TSNARE1: variants seen among roughly 807,000 people sequenced by gnomAD.
The protein encoded by TSNARE1 is t-SNARE domain containing 1.
TSNARE1 carries 49 observed loss-of-function variants against 62.0 expected under a neutral mutation model. The observed-to-expected ratio is 0.79, with a 90% CI of 0.63 to 1.00. The LOEUF (loss-of-function observed/expected upper bound fraction) is 1.00. Ranked by LOEUF, TSNARE1 falls within the 50% of genes least tolerant of loss-of-function variation. TSNARE1 has a pLI of 0.00. For synonymous variants in TSNARE1, 328 were observed against 294.4 expected, an observed-to-expected ratio of 1.11 and a Z score of -1.17; for missense variants, 755 against 700.1, an observed-to-expected ratio of 1.08 and a Z score of -0.88.
At chr8:142,310,696 C>T (rs2131533836) in intron 9 of TSNARE1, among the ~76,000 whole-genome samples, 1 of 152,302 alleles carries the variant, frequency 6.6e-6, no homozygotes, top group East Asian at 1.9e-4. Flanking sequence ...AGTCAGGTGT[C>T]AGTCTTGTCC....
chr8:142,311,931 TA>T (rs762473771), intron 9 of TSNARE1, among the ~76,000 whole-genome samples: 5 of 152,222 alleles, frequency 3.3e-5, no homozygotes, highest in Non-Finnish European at 7.3e-5. Context: ...AAATAAAATG[TA>T]AGTTCTCTGG....
At chr8:142,390,331 T>C (rs1337743166) in intron 1 of TSNARE1, among the ~76,000 whole-genome samples, 1 of 144,932 alleles carries the variant, frequency 6.9e-6, no homozygotes, top group Non-Finnish European at 1.5e-5. Flanking sequence ...TGCGGGGGAC[T>C]CCGTAACAGA....
chr8:142,325,822 G>A (rs554437298), intron 6 of TSNARE1, among the ~76,000 whole-genome samples: 1 of 152,342 alleles, frequency 6.6e-6, no homozygotes, highest in African/African-American at 2.4e-5. Flanking sequence ...GAAGACCAGG[G>A]CCCTGGAGAG....
intron 1 of TSNARE1, among the ~76,000 whole-genome samples, chr8:142,392,812 T>C (rs1013442473): frequency 1.3e-5 from 2 of 152,048 alleles, no homozygotes; most frequent in East Asian, 3.9e-4. Flanking sequence ...TGGTGACACA[T>C]GCCTGTAATC....
At chr8:142,324,622 C>G (rs1395104290) in intron 6 of TSNARE1, among the ~76,000 whole-genome samples, 1 of 152,230 alleles carries the variant, frequency 6.6e-6, no homozygotes, top group African/African-American at 2.4e-5. Context: ...TCATTTACTC[C>G]CATGACCACC....
chr8:142,355,263 C>T (rs1563978417), intron 1 of TSNARE1, among the ~76,000 whole-genome samples: 1 of 152,200 alleles, frequency 6.6e-6, no homozygotes, highest in Admixed American at 6.5e-5. Context: ...GGGTCAGGCC[C>T]GGGGTTGGCT....
chr8:142,344,498 T>C (rs1168986062), intron 3 of TSNARE1, 26 bp from the exon 4 acceptor site: 1 of 1,491,516 alleles, frequency 6.7e-7, no homozygotes, highest in Admixed American at 2.6e-5. Context: ...AAGGCGGATG[T>C]TTAAGGCCCT....
At chr8:142,300,824 C>T (rs960001155) in intron 9 of TSNARE1, among the ~76,000 whole-genome samples, 180 bp from the exon 10 acceptor site, 16 of 152,232 alleles carry the variant, frequency 1.1e-4, no homozygotes, top group African/African-American at 7.2e-5. Context: ...GGGCATCAAT[C>T]TGGGCCTCCC....
At chr8:142,257,975 G>A (rs1445869827) in intron 12 of TSNARE1, among the ~76,000 whole-genome samples, 2 of 151,878 alleles carry the variant, frequency 1.3e-5, no homozygotes, top group Admixed American at 6.6e-5. Flanking sequence ...CACCCGTGCT[G>A]TCTCACAGAC....
Position 142,314,326 on chromosome 8 carries a change from AG to A in TSNARE1, c.1131+57del. ...CGCCCTTCCATGGAGCACAGATGGC[AG>A]CGGATTCTGGGCTGTCCCCTAACAG... On this transcript the variant is annotated intron_variant, in intron 9 of 13. Transcript: ENST00000524325. 5.3e-6 allele frequency: 8 copies of A among 1,513,700 alleles called. No individual in the cohort carries two copies. The South Asian group carries it at 9.2e-5, about 17-fold the overall frequency. 93.8% of individuals were successfully genotyped at this position (1,513,700 alleles called of 1,614,324 possible).
intron 12 of TSNARE1, among the ~76,000 whole-genome samples, chr8:142,246,939 G>A (rs188360723): frequency 3.0e-4 from 45 of 152,332 alleles, no homozygotes; most frequent in African/African-American, 9.1e-4. Context: ...ACCACAGCAC[G>A]CCCTCAGTCA....
At chr8:142,283,110 C>G (rs1174217526) in intron 11 of TSNARE1, among the ~76,000 whole-genome samples, 34 of 104,362 alleles carry the variant, frequency 3.3e-4, no homozygotes, top group Non-Finnish European at 4.9e-4. Context: ...GGGGAGGCCA[C>G]TGTCTGTCAA....
chr8:142,222,747 C>T (rs866445533), intron 13 of TSNARE1, among the ~76,000 whole-genome samples: 2 of 115,676 alleles, frequency 1.7e-5, no homozygotes, highest in African/African-American at 3.3e-5. Flanking sequence ...CACTCACTCA[C>T]TCATCCACTC....
At chr8:142,260,852 G>A (rs1464981863) in intron 12 of TSNARE1, among the ~76,000 whole-genome samples, 1 of 149,958 alleles carries the variant, frequency 6.7e-6, no homozygotes, top group Non-Finnish European at 1.5e-5. Context: ...ACAGGGCAGA[G>A]CCTCTGCAGC....
At chr8:142,349,899 A>G (rs1468933801) in intron 2 of TSNARE1, among the ~76,000 whole-genome samples, 1 of 147,320 alleles carries the variant, frequency 6.8e-6, no homozygotes, top group Non-Finnish European at 1.5e-5. Flanking sequence ...CAAGGCAGAC[A>G]GGGCAGGGAC....
At chr8:142,404,377 A>C (rs1838524098), upstream of TSNARE1, 1 of 152,342 alleles carries the variant, frequency 6.6e-6, no homozygotes, top group African/African-American at 2.4e-5. Flanking sequence ...ACCAGGTGCA[A>C]GTGCACAAGT....
intron 7 of TSNARE1, among the ~76,000 whole-genome samples, chr8:142,315,360 C>T (rs1828367489): frequency 6.6e-6 from 1 of 152,244 alleles, no homozygotes; most frequent in African/African-American, 2.4e-5. Flanking sequence ...GGCCCCACAC[C>T]ACCTCCGCGA....
chr8:142,330,098 G>A (rs1037951488), intron 6 of TSNARE1, among the ~76,000 whole-genome samples: 2 of 152,252 alleles, frequency 1.3e-5, no homozygotes, highest in Non-Finnish European at 2.9e-5. Flanking sequence ...CAGTGCAGTG[G>A]CCTGGGGCTG....
intron 1 of TSNARE1, among the ~76,000 whole-genome samples, chr8:142,364,128 T>G (rs1169291383): frequency 6.6e-6 from 1 of 152,204 alleles, no homozygotes; most frequent in Non-Finnish European, 1.5e-5. Context: ...CTGCAGTGCC[T>G]TCTACCTGCC....
Sources: gnomAD v4.1 joint callset for allele counts (sites outside exome capture counted in the v4.1 genomes callset) on GRCh38, gnomAD v4.1.1 for gene constraint, MANE v1.5 for transcripts, NCBI Gene and HGNC (gene_info 2026-07-23, HGNC 2026-07-21) for gene names.